The following SYNPO2 variants were observed in gnomAD, a reference collection of about 807,000 sequenced individuals.
SYNPO2 encodes synaptopodin 2.
A neutral mutation model predicts 85.0 loss-of-function variants in SYNPO2; 56 were observed. That is an observed-to-expected ratio of 0.66 (90% CI 0.53 to 0.82). The LOEUF (loss-of-function observed/expected upper bound fraction) is 0.82, where lower values mean the gene tolerates loss of function less well. Ranked by LOEUF, SYNPO2 falls within the 40% of genes least tolerant of loss-of-function variation. SYNPO2 has a pLI of 0.00. For synonymous variants in SYNPO2, 602 were observed against 591.1 expected, an observed-to-expected ratio of 1.02 and a Z score of -0.27; for missense variants, 1,575 against 1,534.2, an observed-to-expected ratio of 1.03 and a Z score of -0.44.
intron 1 of SYNPO2, among the ~76,000 whole-genome samples, chr4:118,899,889 G>A (rs1732663638): frequency 6.6e-6 from 1 of 152,134 alleles, no homozygotes; most frequent in Admixed American, 6.5e-5. Context: ...AGCCTCCTGA[G>A]TAGCTGGGAT....
intron 1 of SYNPO2, among the ~76,000 whole-genome samples, chr4:118,983,228 A>G (rs1229294313): frequency 6.6e-6 from 1 of 151,768 alleles, no homozygotes; most frequent in Non-Finnish European, 1.5e-5. Context: ...TCCATCAAAC[A>G]TCTCCCTACC....
At chr4:118,954,453 T>C (rs953468954) in intron 1 of SYNPO2, among the ~76,000 whole-genome samples, 4 of 152,306 alleles carry the variant, frequency 2.6e-5, no homozygotes, top group South Asian at 2.1e-4. Context: ...CTAGGGACTA[T>C]GTAGGTCTCA....
intron 1 of SYNPO2, among the ~76,000 whole-genome samples, chr4:118,937,863 C>T (rs1343793056): frequency 2.0e-5 from 3 of 152,140 alleles, no homozygotes; most frequent in Non-Finnish European, 4.4e-5. Context: ...TCTAAGGATG[C>T]TCAAGTCCCT....
intron 1 of SYNPO2, among the ~76,000 whole-genome samples, chr4:118,855,400 T>G (rs1161631092): frequency 6.6e-6 from 1 of 152,140 alleles, no homozygotes; most frequent in Admixed American, 6.5e-5. Context: ...AGACAGTAAT[T>G]GTGAAAATAT....
At position 119,026,896 on chromosome 4, in the gene SYNPO2, G is replaced by C. The variant is rs1560995628; in HGVS notation, c.527G>C (p.Gly176Ala). 2 of 1,614,160 alleles carry C rather than the reference G, an allele frequency of 1.2e-6. No individual in the cohort carries two copies. Among genetic ancestry groups the C allele is most frequent in the Non-Finnish European group, 8.5e-7 (1 of 1,180,024 alleles). The change falls in exon 3 of 5, where the codon GGA becomes GCA. Residue 176 changes from glycine to alanine, a missense_variant. Physicochemically the swap from Gly to Ala is moderately conservative, Grantham distance 60 (BLOSUM62 0). Coordinates refer to ENST00000307142, the MANE Select transcript of SYNPO2 (RefSeq NM_133477.3). ...RAPQMPDSQR[G>A]RVAEELILRE... ...CCCCAAATGCCTGACTCCCAAAGAG[G>C]ACGCGTGGCAGAAGAGCTGATCTTA...
chr4:118,916,347 A>G (rs1312595665), intron 1 of SYNPO2, among the ~76,000 whole-genome samples: 1 of 151,584 alleles, frequency 6.6e-6, no homozygotes, highest in Non-Finnish European at 1.5e-5. Context: ...TGATTTTTGT[A>G]TTTTTTGTAG....
intron 1 of SYNPO2, among the ~76,000 whole-genome samples, chr4:119,007,261 T>TATGTATATAC (rs1737099778): frequency 1.7e-4 from 5 of 29,362 alleles, no homozygotes; most frequent in Admixed American, 3.3e-4. Context: ...TACATATATA[T>TATGTATATAC]ATATATATAT....
intron 1 of SYNPO2, among the ~76,000 whole-genome samples, chr4:118,983,404 T>C (rs937079680): frequency 6.6e-6 from 1 of 152,098 alleles, no homozygotes; most frequent in Non-Finnish European, 1.5e-5. Flanking sequence ...CTATTTCCCT[T>C]GCATTATTTT....
intron 1 of SYNPO2, among the ~76,000 whole-genome samples, chr4:118,980,346 C>T (rs1387982): frequency 0.01 from 1,590 of 152,238 alleles, 26 homozygotes; most frequent in African/African-American, 0.035. Context: ...TATTCCTTGA[C>T]CAGAACCATC....
chr4:119,017,122 G>A (rs1737553744), intron 1 of SYNPO2, among the ~76,000 whole-genome samples: 1 of 152,188 alleles, frequency 6.6e-6, no homozygotes, highest in Admixed American at 6.5e-5. Flanking sequence ...GAGGTACTGA[G>A]TGTAGAATAA....
At position 119,030,752 on chromosome 4, in the gene SYNPO2, C is replaced by G. The variant is rs757819116; in HGVS notation, c.1977C>G (p.Ala659=). The change falls in exon 4 of 5, where the codon GCC becomes GCG. Residue 659 remains alanine, a synonymous_variant. Transcript: ENST00000307142. ...WPQPAPWSQP[A]FYDSSERIAS... is the part of the protein sequence containing the mutation. Reference sequence around the variant, plus strand: ...AGCCTGCCCCGTGGTCCCAGCCAGCCTTTTACGATTCGTCTGAGCGAATAG... The same window carrying G: ...AGCCTGCCCCGTGGTCCCAGCCAGCGTTTTACGATTCGTCTGAGCGAATAG... 9 of 1,614,180 alleles carry G rather than the reference C, an allele frequency of 5.6e-6. No individual in the cohort carries two copies. Among genetic ancestry groups the G allele is most frequent in the African/African-American group, 1.3e-5 (1 of 75,028 alleles).
At chr4:119,025,324 T>C (rs1456254351) in intron 2 of SYNPO2, among the ~76,000 whole-genome samples, 1 of 152,240 alleles carries the variant, frequency 6.6e-6, no homozygotes, top group African/African-American at 2.4e-5. Flanking sequence ...TAACAATGTA[T>C]TTAACATTTT....
chr4:118,996,191 G>A (rs974605289), intron 1 of SYNPO2, among the ~76,000 whole-genome samples: 1 of 152,032 alleles, frequency 6.6e-6, no homozygotes, highest in Non-Finnish European at 1.5e-5. Flanking sequence ...GTCATTTCAC[G>A]CTTTTGCCTT....
chr4:118,999,486 G>T (rs1404700434), intron 1 of SYNPO2, among the ~76,000 whole-genome samples: 1 of 152,070 alleles, frequency 6.6e-6, no homozygotes, highest in Non-Finnish European at 1.5e-5. Context: ...TTCTGCTTTT[G>T]TAAAGATAGT....
chr4:118,904,373 T>C (rs1732862141), intron 1 of SYNPO2, among the ~76,000 whole-genome samples: 1 of 152,252 alleles, frequency 6.6e-6, no homozygotes, highest in South Asian at 2.1e-4. Context: ...CCTGTAGTCC[T>C]TGGAGTCCCA....
At chr4:118,994,480 G>T (rs1181076855) in intron 1 of SYNPO2, among the ~76,000 whole-genome samples, 1 of 152,222 alleles carries the variant, frequency 6.6e-6, no homozygotes, top group Non-Finnish European at 1.5e-5. Flanking sequence ...GTAATTTAAA[G>T]AATTGAGAGA....
rs756988845 is a variant in SYNPO2 at position 119,030,443 on chromosome 4, G to A, written c.1668G>A (p.Glu556=). The A allele has an allele frequency of 4.3e-6, 7 of 1,614,060 alleles. No individual in the cohort carries two copies. Among genetic ancestry groups the A allele is most frequent in the African/African-American group, 2.7e-5 (2 of 74,910 alleles). Residue 556 remains glutamate (E), a synonymous_variant, in exon 4 of 5, where the codon GAG becomes GAA. Coordinates refer to ENST00000307142, the MANE Select transcript of SYNPO2 (RefSeq NM_133477.3). The stretch of plus-strand genomic sequence containing the variant: ...GCTCTGTGAGCAAAAGCTACATCGA[G>A]GTGAGTCATGGTCTTGGCCATGTTC... The part of the protein sequence containing the change: ...TQSSVSKSYI[E]VSHGLGHVPQ...
Position 119,060,940 on chromosome 4 carries a change from G to A in SYNPO2, c.*3006G>A, listed in dbSNP as rs1465872705. ...TTGGCACAATTATACACATTGGAAA[G>A]GGCCAACCTATTAGGGCTCAAGTAT... is the stretch of plus-strand genomic sequence containing the variant. On this transcript the variant is annotated 3_prime_UTR_variant, in exon 5 of 5. Coordinates refer to ENST00000307142, the MANE Select transcript of SYNPO2 (RefSeq NM_133477.3). The A allele has an allele frequency of 6.6e-6, 1 of 151,564 alleles. No individual in the cohort carries two copies. The highest frequency in any genetic ancestry group is 2.4e-5 in the African/African-American group (1 of 41,204). 9.4% of individuals were successfully genotyped at this position (151,564 alleles called of 1,614,324 possible). A position where few individuals can be genotyped will look rare whatever the true frequency, so the allele number is the denominator to read the frequency against.
chr4:119,049,558 C>T (rs1738971952), intron 4 of SYNPO2, among the ~76,000 whole-genome samples: 1 of 152,192 alleles, frequency 6.6e-6, no homozygotes, highest in Non-Finnish European at 1.5e-5. Flanking sequence ...GATTTATCTT[C>T]TTTGGCTTCT....
Sources: gnomAD v4.1 joint callset for allele counts (sites outside exome capture counted in the v4.1 genomes callset) on GRCh38, gnomAD v4.1.1 for gene constraint, MANE v1.5 for transcripts, NCBI Gene and HGNC (gene_info 2026-07-23, HGNC 2026-07-21) for gene names.